Variants in MARK3 observed in about 807,000 individuals in gnomAD.
MARK3 encodes MAP/microtubule affinity-regulating kinase 3.
MARK3 carries 46 observed loss-of-function variants against 90.1 expected under a neutral mutation model. The observed-to-expected ratio is 0.51, with a 90% CI of 0.40 to 0.65. MARK3 has a LOEUF of 0.65. Ranked by LOEUF, MARK3 falls within the 30% of genes least tolerant of loss-of-function variation. MARK3 has a pLI of 0.00. For missense variants in MARK3, 818 were observed against 947.2 expected (o/e 0.86, Z 1.79); for synonymous variants, 321 against 332.6 (o/e 0.97, Z 0.38).
chr14:103,413,429 C>CTTTTT (rs33971338), intron 2 of MARK3, among the ~76,000 whole-genome samples: 1 of 131,734 alleles, frequency 7.6e-6, no homozygotes, highest in African/African-American at 2.9e-5. Context: ...TAATAGCATG[C>CTTTTT]TTTTTTTTTT....
rs746121874 is a variant in MARK3, at chr14:103,502,032, C to T, written c.1917-850C>T. On this transcript the variant is annotated intron_variant, in intron 17 of 17. Transcript: ENST00000429436. ...AGGCACTCACTGTCTTAATTGAGGC[C>T]ACCAGATACACACATGAGAATATAA... Among the ~76,000 whole-genome samples the T allele has an allele frequency of 1.1e-3, 168 of 152,258 alleles. 3 individuals are homozygous for T. Among genetic ancestry groups the T allele is most frequent in the Admixed American group, 2.0e-3 (31 of 15,282 alleles).
intron 5 of MARK3, among the ~76,000 whole-genome samples, chr14:103,456,865 T>G (rs559169501): frequency 1.0e-3 from 158 of 152,364 alleles, no homozygotes; most frequent in African/African-American, 3.7e-3. Flanking sequence ...ATTGCTTAGT[T>G]TTTATTAAAG....
chr14:103,472,784 G>C (rs1384710502), intron 12 of MARK3, among the ~76,000 whole-genome samples: 1 of 152,160 alleles, frequency 6.6e-6, no homozygotes. Flanking sequence ...GAGGCAGGCA[G>C]ATCACGAGGT....
intron 1 of MARK3, among the ~76,000 whole-genome samples, chr14:103,397,424 T>A (rs753976009): frequency 9.9e-5 from 15 of 151,842 alleles, no homozygotes; most frequent in Non-Finnish European, 2.1e-4. Flanking sequence ...CCTCCCAGGT[T>A]CAAACGATTC....
intron 1 of MARK3, among the ~76,000 whole-genome samples, chr14:103,389,815 G>T (rs1484214901): frequency 6.7e-6 from 1 of 150,264 alleles, no homozygotes; most frequent in Non-Finnish European, 1.5e-5. Flanking sequence ...GCGGTGGCGG[G>T]CACCTGTAAT....
At chr14:103,479,628 C>CTTTTTTTTTTTTTTTTTTTTT (rs34768749) in intron 13 of MARK3, among the ~76,000 whole-genome samples, 1 of 78,238 alleles carries the variant, frequency 1.3e-5, no homozygotes. Context: ...ATACGTATAG[C>CTTTTTTTTTTTTTTTTTTTTT]TTTTTTTTTT....
At chr14:103,423,735 G>A (rs2092306863) in intron 2 of MARK3, among the ~76,000 whole-genome samples, 2 of 152,284 alleles carry the variant, frequency 1.3e-5, no homozygotes, top group African/African-American at 4.8e-5. Context: ...TCCCGCTCAG[G>A]CTTCCTTGCT....
At position 103,403,638 on chromosome 14, in the gene MARK3, T is replaced by C. The variant is rs192672317; in HGVS notation, c.52-1438T>C. Among the ~76,000 whole-genome samples, 27 of 152,332 alleles carry C rather than the reference T, an allele frequency of 1.8e-4. 1 individual carries two copies. The highest frequency in any genetic ancestry group is 5.8e-4 in the African/African-American group (24 of 41,586). On this transcript the variant is annotated intron_variant, in intron 1 of 17. Coordinates refer to ENST00000429436, the MANE Select transcript of MARK3 (RefSeq NM_001128918.3). ...ATAAACATAAACATGATCACCCAGC[T>C]TCTTTTAAAACTAGACTGCAGTTGA... is the stretch of plus-strand genomic sequence containing the variant.
intron 2 of MARK3, among the ~76,000 whole-genome samples, chr14:103,414,484 C>T: frequency 6.9e-6 from 1 of 144,030 alleles, no homozygotes; most frequent in East Asian, 2.0e-4. Flanking sequence ...GGATTACAGG[C>T]ATGAGCCACC....
At chr14:103,472,849 AC>A (rs2093652835) in intron 12 of MARK3, among the ~76,000 whole-genome samples, 1 of 151,880 alleles carries the variant, frequency 6.6e-6, no homozygotes, top group Non-Finnish European at 1.5e-5. Context: ...TACTAAAATT[AC>A]AAAAAATTAG....
intron 5 of MARK3, 76 bp downstream of exon 5, chr14:103,452,059 T>G: frequency 1.1e-6 from 1 of 937,930 alleles, no homozygotes; most frequent in Non-Finnish European, 1.7e-6. Flanking sequence ...ACTGCCCATA[T>G]GGGTCATCAT....
intron 14 of MARK3, chr14:103,491,555 A>G (rs1479474827): frequency 1.7e-5 from 9 of 526,684 alleles, no homozygotes; most frequent in Non-Finnish European, 3.0e-5. Context: ...GAAAATATAT[A>G]TAATACTGGT....
At chr14:103,438,993 A>T (rs950399952) in intron 3 of MARK3, among the ~76,000 whole-genome samples, 10 of 73,992 alleles carry the variant, frequency 1.4e-4, no homozygotes, top group South Asian at 1.3e-3. Flanking sequence ...TTCTCTAATT[A>T]AAAAAAAAAA....
intron 14 of MARK3, among the ~76,000 whole-genome samples, chr14:103,488,446 G>A (rs1012535736): frequency 6.6e-6 from 1 of 152,198 alleles, no homozygotes; most frequent in Non-Finnish European, 1.5e-5. Flanking sequence ...TGGATACTGA[G>A]TGGCAGAAAT....
intron 14 of MARK3, chr14:103,491,287 G>A (rs189508738): frequency 4.6e-5 from 12 of 260,396 alleles, no homozygotes; most frequent in Non-Finnish European, 6.4e-5. Context: ...GTGTGTCTTC[G>A]TGCCTTCGCG....
At chr14:103,446,710 C>CTT (rs746523547) in intron 3 of MARK3, among the ~76,000 whole-genome samples, 1,681 of 97,778 alleles carry the variant, frequency 0.017, 104 homozygotes, top group African/African-American at 0.043. Context: ...AGATTGTTGT[C>CTT]TTTTTTTTTT....
At chr14:103,434,294 A>C (rs1427617874) in intron 3 of MARK3, among the ~76,000 whole-genome samples, 1 of 152,182 alleles carries the variant, frequency 6.6e-6, no homozygotes, top group Non-Finnish European at 1.5e-5. Flanking sequence ...CCCAAATCGC[A>C]ACGAGAAGTG....
chr14:103,494,544 CAAAA>C (rs35133138), intron 15 of MARK3, among the ~76,000 whole-genome samples: 8 of 84,616 alleles, frequency 9.5e-5, no homozygotes, highest in Admixed American at 7.4e-4. Flanking sequence ...AACTCTGTCT[CAAAA>C]AAAAAAAAAA....
chr14:103,413,547 C>G (rs956064777), intron 2 of MARK3, among the ~76,000 whole-genome samples: 1 of 151,476 alleles, frequency 6.6e-6, no homozygotes, highest in East Asian at 1.9e-4. Context: ...TTCAGCCTCC[C>G]CAGTAGCTGG....
Sources: allele counts gnomAD v4.1 joint callset (sites outside exome capture counted in the v4.1 genomes callset), GRCh38; gene constraint gnomAD v4.1.1; transcripts MANE v1.5; gene names NCBI Gene and HGNC (gene_info 2026-07-23, HGNC 2026-07-21).